The following GRM8 variants were observed in gnomAD, a reference collection of about 807,000 sequenced individuals.
GRM8 encodes metabotropic glutamate receptor 8.
Under a neutral mutation model 87.2 loss-of-function variants are expected in GRM8, and 47 were observed. The observed-to-expected ratio is 0.54, with a 90% CI of 0.43 to 0.69. The LOEUF is 0.69. Among genes scored for constraint, GRM8 ranks in the 30% least tolerant of loss-of-function variants. The pLI is 0.00. For missense variants in GRM8, 1,019 were observed against 1,139.2 expected, an observed-to-expected ratio of 0.89 and a Z score of 1.52; for synonymous variants, 396 against 404.5, an observed-to-expected ratio of 0.98 and a Z score of 0.25.
chr7:126,743,054 C>T (rs781531066), intron 7 of GRM8, among the ~76,000 whole-genome samples: 27 of 152,034 alleles, frequency 1.8e-4, no homozygotes, highest in Non-Finnish European at 3.4e-4. Context: ...ATGAATGGAG[C>T]CCAAAGCTCA....
intron 2 of GRM8, among the ~76,000 whole-genome samples, chr7:127,213,723 A>C (rs1050988445): frequency 2.0e-5 from 3 of 152,200 alleles, no homozygotes; most frequent in African/African-American, 7.2e-5. Context: ...ATCTGTTGTT[A>C]ATCCATCCAT....
At chr7:126,811,618 T>C (rs1793304937) in intron 6 of GRM8, among the ~76,000 whole-genome samples, 1 of 152,074 alleles carries the variant, frequency 6.6e-6, no homozygotes, top group Non-Finnish European at 1.5e-5. Context: ...TGAGGTTTTC[T>C]GTGGCTATAA....
At chr7:126,576,862 T>C (rs767574379) in intron 8 of GRM8, among the ~76,000 whole-genome samples, 5 of 152,214 alleles carry the variant, frequency 3.3e-5, no homozygotes, top group Non-Finnish European at 7.4e-5. Context: ...AGACTTACAC[T>C]TACAGCCCCC....
intron 3 of GRM8, among the ~76,000 whole-genome samples, chr7:126,906,067 G>A (rs1470000472): frequency 1.3e-5 from 2 of 152,122 alleles, no homozygotes; most frequent in African/African-American, 4.8e-5. Flanking sequence ...ATTAGGAGAT[G>A]GGACTGTTGG....
chr7:126,577,143 A>G (rs187119614), intron 8 of GRM8, among the ~76,000 whole-genome samples: 3 of 152,308 alleles, frequency 2.0e-5, no homozygotes, highest in African/African-American at 7.2e-5. Context: ...AAGTCTAACC[A>G]TAGGATAAAA....
chr7:126,658,868 C>A (rs1443437163), intron 7 of GRM8, among the ~76,000 whole-genome samples: 3 of 151,956 alleles, frequency 2.0e-5, no homozygotes, highest in African/African-American at 7.3e-5. Context: ...TGCCTGGCCG[C>A]GCGGCTAGGG....
chr7:126,832,268 T>TGACAATAG (rs1795465283), intron 6 of GRM8, among the ~76,000 whole-genome samples: 1 of 152,024 alleles, frequency 6.6e-6, no homozygotes, highest in African/African-American at 2.4e-5. Flanking sequence ...TGATCTAGAA[T>TGACAATAG]GACAATAGTA....
intron 6 of GRM8, among the ~76,000 whole-genome samples, chr7:126,872,910 T>C (rs1003111010): frequency 3.7e-4 from 57 of 152,158 alleles, no homozygotes; most frequent in African/African-American, 1.4e-3. Context: ...AAAAAGAAGA[T>C]AACTTTTGTG....
chr7:126,779,769 C>T (rs1819868299), intron 6 of GRM8, among the ~76,000 whole-genome samples: 1 of 151,896 alleles, frequency 6.6e-6, no homozygotes. Flanking sequence ...TTTTAATACT[C>T]AACGTTTTTC....
intron 9 of GRM8, among the ~76,000 whole-genome samples, chr7:126,504,919 C>T (rs973673134): frequency 6.6e-6 from 1 of 151,890 alleles, no homozygotes; most frequent in Non-Finnish European, 1.5e-5. Context: ...AACTATAATA[C>T]AAAATATCAA....
chr7:126,623,092 C>T (rs146573960), intron 7 of GRM8, among the ~76,000 whole-genome samples: 1,863 of 152,126 alleles, frequency 0.012, 39 homozygotes, highest in African/African-American at 0.042. Flanking sequence ...TTAATACCCA[C>T]ATCTATAGCA....
At chr7:126,763,458 TATATATATATATATACACACAC>T (rs1287825174) in intron 7 of GRM8, among the ~76,000 whole-genome samples, 727 of 61,442 alleles carry the variant, frequency 0.012, 14 homozygotes, top group South Asian at 0.11. Flanking sequence ...TATATATATA[TATATATATATATATACACACAC>T]ACACACACAC....
At chr7:126,911,626 G>T (rs1803305647) in intron 3 of GRM8, among the ~76,000 whole-genome samples, 1 of 152,172 alleles carries the variant, frequency 6.6e-6, no homozygotes, top group South Asian at 2.1e-4. Flanking sequence ...AGTTTGAAAT[G>T]CACAAAATTT....
chr7:126,998,940 A>C (rs1405270347), intron 3 of GRM8, among the ~76,000 whole-genome samples: 1 of 151,800 alleles, frequency 6.6e-6, no homozygotes. Flanking sequence ...AAAAGACCCC[A>C]ACTAGCCAAA....
intron 10 of GRM8, among the ~76,000 whole-genome samples, chr7:126,444,855 T>A (rs1276222026): frequency 1.3e-5 from 2 of 151,950 alleles, no homozygotes; most frequent in Non-Finnish European, 2.9e-5. Flanking sequence ...GATTTTGTCC[T>A]TAATGCCTGA....
intron 9 of GRM8, among the ~76,000 whole-genome samples, chr7:126,456,615 T>A (rs1292471816): frequency 7.1e-6 from 1 of 140,732 alleles, no homozygotes; most frequent in Non-Finnish European, 1.5e-5. Flanking sequence ...TGATTACTCA[T>A]AAAATATCAG....
intron 3 of GRM8, among the ~76,000 whole-genome samples, chr7:126,992,809 G>GTGTGTGTGTGTGTGTGTGTA (rs1554558343): frequency 9.5e-5 from 10 of 105,578 alleles, no homozygotes; most frequent in Admixed American, 8.7e-4. Context: ...CTCTCTCCGT[G>GTGTGTGTGTGTGTGTGTGTA]TGTGTGTGTG....
chr7:127,073,478 T>C (rs886749142), intron 3 of GRM8, among the ~76,000 whole-genome samples: 1 of 152,140 alleles, frequency 6.6e-6, no homozygotes, highest in African/African-American at 2.4e-5. Context: ...ACTTACTCTT[T>C]CAGGAAAATG....
chr7:126,508,495 T>C (rs1027611039), intron 9 of GRM8, among the ~76,000 whole-genome samples: 1 of 152,054 alleles, frequency 6.6e-6, no homozygotes, highest in Non-Finnish European at 1.5e-5. Context: ...ATCCCAATAC[T>C]GTTACTTTGG....
Sources: gnomAD v4.1 joint callset for allele counts (sites outside exome capture counted in the v4.1 genomes callset) on GRCh38, gnomAD v4.1.1 for gene constraint, MANE v1.5 for transcripts, NCBI Gene and HGNC (gene_info 2026-07-23, HGNC 2026-07-21) for gene names.